The following EYA3 variants were observed in gnomAD, a reference collection of about 807,000 sequenced individuals.
EYA3 encodes the protein protein phosphatase EYA3.
A neutral mutation model predicts 80.0 loss-of-function variants in EYA3; 39 were observed. The ratio of observed to expected loss-of-function variants is 0.49; its 90% CI spans 0.38 to 0.64. The LOEUF is 0.64. Ranked by LOEUF, EYA3 falls within the 30% of genes least tolerant of loss-of-function variation. EYA3 has a pLI of 0.00. For missense variants in EYA3, 523 were observed against 676.1 expected, an observed-to-expected ratio of 0.77 and a Z score of 2.51; for synonymous variants, 206 against 232.8, an observed-to-expected ratio of 0.88 and a Z score of 1.05.
chr1:28,060,358 G>A (rs894320565), intron 1 of EYA3, among the ~76,000 whole-genome samples: 3 of 152,066 alleles, frequency 2.0e-5, no homozygotes, highest in African/African-American at 7.2e-5. Flanking sequence ...GTTTTAAAAA[G>A]TAAGAAAACG....
chr1:28,069,357 C>T (rs2148925356), intron 1 of EYA3, among the ~76,000 whole-genome samples: 1 of 152,066 alleles, frequency 6.6e-6, no homozygotes, highest in Admixed American at 6.6e-5. Context: ...GATCTACCCA[C>T]CTCGGCCTCC....
rs1275049965 is a variant in EYA3, at chr1:27,973,495, T to C, written c.*971A>G. ...TCAAGAGCCAAGAAGCTGAAATTCA[T>C]AAGACACTTTAGTTCCTTCTCTCCA... On this transcript the variant is annotated 3_prime_UTR_variant, in exon 18 of 18. Coordinates refer to ENST00000373871, the MANE Select transcript of EYA3 (RefSeq NM_001990.4). 1 of 152,182 alleles carries C rather than the reference T, an allele frequency of 6.6e-6. No homozygotes were observed. The highest frequency in any genetic ancestry group is 2.4e-5 in the African/African-American group (1 of 41,448). 9.4% of individuals were successfully genotyped at this position (152,182 alleles called of 1,614,324 possible).
At position 27,985,594 on chromosome 1, in the gene EYA3, G is replaced by A. The variant is rs1353244047; in HGVS notation, c.1540+2941C>T. Among the ~76,000 whole-genome samples, 4 of 151,534 alleles carry A rather than the reference G, an allele frequency of 2.6e-5. No individual in the cohort carries two copies. The East Asian group carries it at 7.7e-4, about 29-fold the overall frequency. On this transcript the variant is annotated intron_variant, in intron 16 of 17. Coordinates refer to ENST00000373871, the MANE Select transcript of EYA3 (RefSeq NM_001990.4). ...TCTATCTCTACTCACTTCTTTTTTT[G>A]TTGTTGAGGTGGAGTCTCGCTCTGT...
intron 3 of EYA3, among the ~76,000 whole-genome samples, chr1:28,044,773 TTTTTG>T (rs1288748494): frequency 6.6e-6 from 1 of 151,954 alleles, no homozygotes; most frequent in Non-Finnish European, 1.5e-5. Context: ...GTTTGGTTGG[TTTTTG>T]TTTTGTTTTT....
intron 13 of EYA3, among the ~76,000 whole-genome samples, chr1:27,994,367 C>A (rs1406505250): frequency 6.6e-6 from 1 of 152,148 alleles, no homozygotes; most frequent in Non-Finnish European, 1.5e-5. Context: ...AGAGCTCTAG[C>A]CAACATCTTG....
At chr1:28,043,420 A>G (rs1643889435) in intron 3 of EYA3, among the ~76,000 whole-genome samples, 1 of 151,926 alleles carries the variant, frequency 6.6e-6, no homozygotes, top group Non-Finnish European at 1.5e-5. Flanking sequence ...TACAGTCACC[A>G]TTCTGTGCAA....
At chr1:28,005,872 A>AG (rs1641231859) in intron 10 of EYA3, among the ~76,000 whole-genome samples, 1 of 152,154 alleles carries the variant, frequency 6.6e-6, no homozygotes, top group Admixed American at 6.5e-5. Flanking sequence ...TGTGAGGCCA[A>AG]GGCAGGAGGA....
At chr1:27,974,579 ACTT>A (rs771832833) in intron 17 of EYA3, 33 bp from the exon 18 acceptor site, 19 of 1,567,044 alleles carry the variant, frequency 1.2e-5, no homozygotes, top group Middle Eastern at 1.7e-4. Context: ...GGTTAATCCA[ACTT>A]CTTCTGAGAG....
At chr1:28,045,011 A>G (rs901838527) in intron 3 of EYA3, among the ~76,000 whole-genome samples, 4 of 152,164 alleles carry the variant, frequency 2.6e-5, no homozygotes, top group African/African-American at 9.7e-5. Flanking sequence ...GTCTCAAGCA[A>G]TCCGTCCACC....
At chr1:28,016,846 A>T (rs545563608) in intron 8 of EYA3, among the ~76,000 whole-genome samples, 1 of 152,336 alleles carries the variant, frequency 6.6e-6, no homozygotes, top group Admixed American at 6.5e-5. Context: ...TAAATGAACA[A>T]AACAGAAAAA....
chr1:27,998,018 G>A (rs527773287), intron 12 of EYA3, among the ~76,000 whole-genome samples: 5 of 151,914 alleles, frequency 3.3e-5, no homozygotes, highest in Non-Finnish European at 5.9e-5. Context: ...TTTTTCCCCC[G>A]CTTCTAATCC....
At chr1:28,000,700 G>A (rs1217132151) in intron 11 of EYA3, among the ~76,000 whole-genome samples, 1 of 152,094 alleles carries the variant, frequency 6.6e-6, no homozygotes, top group Non-Finnish European at 1.5e-5. Flanking sequence ...AGGCTGAGGC[G>A]GGAAGATTGC....
Position 28,027,906 on chromosome 1 carries a change from T to A in EYA3, c.382A>T (p.Lys128Ter). The A allele has an allele frequency of 6.2e-7, 1 of 1,614,118 alleles. No homozygotes were observed. The highest frequency in any genetic ancestry group is 1.1e-5 in the South Asian group (1 of 91,078). ...PPFGALWPGM[K>*]PESGLIQTPS... The stretch of plus-strand genomic sequence containing the variant: ...GTCTGAATTAAACCACTTTCAGGTT[T>A]CATACCTGGCCACAATGCACCTGAA... Residue 128 changes from lysine (K) to a stop codon, truncating the protein, a stop_gained, in exon 7 of 18, where the codon AAA becomes TAA. Transcript: ENST00000373871. LOFTEE classifies it high-confidence loss of function.
intron 11 of EYA3, among the ~76,000 whole-genome samples, chr1:28,002,576 T>C (rs1015464595): frequency 3.3e-5 from 5 of 151,922 alleles, no homozygotes; most frequent in Non-Finnish European, 7.4e-5. Context: ...TTTGGGAGAC[T>C]GAGGCAGGAG....
At chr1:28,062,890 T>C (rs1488109858) in intron 1 of EYA3, among the ~76,000 whole-genome samples, 1 of 151,690 alleles carries the variant, frequency 6.6e-6, no homozygotes, top group Non-Finnish European at 1.5e-5. Flanking sequence ...TAATTCCTGC[T>C]ACTCAGGAGG....
chr1:27,990,122 A>G (rs569146623), intron 14 of EYA3: 3 of 159,904 alleles, frequency 1.9e-5, no homozygotes, highest in South Asian at 3.5e-4. Context: ...GAGATCCTTT[A>G]TCTTCTGAGA....
At chr1:28,050,189 TATTATTATTATTA>T (rs1557617166) in intron 2 of EYA3, among the ~76,000 whole-genome samples, 2 of 141,470 alleles carry the variant, frequency 1.4e-5, no homozygotes, top group Non-Finnish European at 3.1e-5. Context: ...TTATTATTAT[TATTATTATTATTA>T]TTTTTTTTGA....
chr1:28,076,666 TAA>T (rs745971576), intron 1 of EYA3, among the ~76,000 whole-genome samples: 5 of 40,380 alleles, frequency 1.2e-4, no homozygotes, highest in Non-Finnish European at 2.4e-4. Context: ...AGACTCTGCC[TAA>T]AAAAAAAAAA....
chr1:27,981,936 T>C (rs925847990), intron 16 of EYA3, among the ~76,000 whole-genome samples: 3 of 151,872 alleles, frequency 2.0e-5, no homozygotes, highest in Admixed American at 6.6e-5. Context: ...ACTTGTGGGC[T>C]GAAGTGCTCC....
Sources: gnomAD v4.1 joint callset for allele counts (sites outside exome capture counted in the v4.1 genomes callset) on GRCh38, gnomAD v4.1.1 for gene constraint, MANE v1.5 for transcripts, NCBI Gene and HGNC (gene_info 2026-07-23, HGNC 2026-07-21) for gene names.